Variants in GABRB3 observed in about 807,000 individuals in gnomAD.
The protein encoded by GABRB3 is gamma-aminobutyric acid type A receptor subunit beta3.
A neutral mutation model predicts 52.1 loss-of-function variants in GABRB3; 14 were observed. The observed-to-expected ratio is 0.27, with a 90% CI of 0.18 to 0.42. The LOEUF is 0.42. Among genes scored for constraint, GABRB3 ranks in the 10% least tolerant of loss-of-function variants. The pLI, the probability that GABRB3 is intolerant of heterozygous loss-of-function variation, is 1.00. For synonymous variants in GABRB3, 260 were observed against 232.3 expected, an observed-to-expected ratio of 1.12 and a Z score of -1.08; for missense variants, 307 against 609.1, an observed-to-expected ratio of 0.50 and a Z score of 5.22.
rs368173955 is a variant in GABRB3 at position 26,546,337 on chromosome 15, A to G, written c.*1456T>C. The G allele has an allele frequency of 6.6e-6, 1 of 152,484 alleles. No homozygotes were observed. The highest frequency in any genetic ancestry group is 1.9e-4 in the East Asian group (1 of 5,182). 9.4% of individuals were successfully genotyped at this position (152,484 alleles called of 1,614,324 possible). ...TTTTCTTTAGAAAGATCTCATCTAA[A>G]TAGTAAGTTAAGGTTGCGTCTATGA... On this transcript the variant is annotated 3_prime_UTR_variant, in exon 9 of 9. Transcript: ENST00000311550.
chr15:26,758,088 G>GA (rs139302744), intron 3 of GABRB3, among the ~76,000 whole-genome samples: 9,320 of 141,310 alleles, frequency 0.066, 337 homozygotes, highest in Middle Eastern at 0.13. Context: ...TAGCCATACA[G>GA]AAAAAAAAAA....
chr15:26,672,079 A>G (rs1438107348), intron 3 of GABRB3, among the ~76,000 whole-genome samples: 1 of 151,982 alleles, frequency 6.6e-6, no homozygotes, highest in Non-Finnish European at 1.5e-5. Flanking sequence ...CTTTTCCTAG[A>G]GTTTTCTTTT....
At position 26,727,114 on chromosome 15, in the gene GABRB3, G is replaced by A. The variant is rs556120667; in HGVS notation, c.240+45288C>T. 5.3e-5 allele frequency among the ~76,000 whole-genome samples: 8 copies of A among 152,250 alleles called. No homozygotes were observed. In the East Asian group the frequency reaches 9.7e-4, roughly 18 times the overall value. ...GTGGAGGTTGCAGTGAGTTGAGATC[G>A]TGCCACTGCACTCCAGCCTGGGCAA... On this transcript the variant is annotated intron_variant, in intron 3 of 8. Transcript: ENST00000311550.
intron 3 of GABRB3, among the ~76,000 whole-genome samples, chr15:26,754,398 G>T (rs181144560): frequency 6.6e-6 from 1 of 152,190 alleles, no homozygotes; most frequent in Non-Finnish European, 1.5e-5. Flanking sequence ...TCCCTTCTGA[G>T]CAGATTTCAC....
At chr15:26,602,339 T>C (rs1030221724) in intron 4 of GABRB3, among the ~76,000 whole-genome samples, 4 of 152,148 alleles carry the variant, frequency 2.6e-5, no homozygotes, top group East Asian at 1.9e-4. Context: ...ATGTTCAGCA[T>C]TGGACAAATC....
At chr15:26,729,170 C>A (rs367788492) in intron 3 of GABRB3, among the ~76,000 whole-genome samples, 1 of 151,900 alleles carries the variant, frequency 6.6e-6, no homozygotes, top group East Asian at 1.9e-4. Context: ...GGCAAGGGGC[C>A]GGGGGCCTCT....
chr15:26,591,181 T>C (rs1377574435), intron 4 of GABRB3, among the ~76,000 whole-genome samples: 2 of 152,154 alleles, frequency 1.3e-5, no homozygotes, highest in African/African-American at 2.4e-5. Flanking sequence ...AATGAGCACT[T>C]TGGGGTTATT....
intron 3 of GABRB3, among the ~76,000 whole-genome samples, chr15:26,634,303 A>G (rs929825186): frequency 2.0e-5 from 3 of 151,952 alleles, no homozygotes; most frequent in African/African-American, 4.8e-5. Flanking sequence ...AAATTAACTC[A>G]CTGTCTTCGT....
chr15:26,629,209 T>G, intron 3 of GABRB3: 1 of 1,441,162 alleles, frequency 6.9e-7, no homozygotes, highest in Non-Finnish European at 9.1e-7. Context: ...GCGGCGGCAA[T>G]CAGGGGCGGG....
intron 3 of GABRB3, among the ~76,000 whole-genome samples, chr15:26,769,223 C>T (rs1185428569): frequency 1.3e-5 from 2 of 152,154 alleles, no homozygotes; most frequent in African/African-American, 2.4e-5. Flanking sequence ...TTTCAAAGTC[C>T]TTGTTTTGAA....
chr15:26,718,325 C>T (rs1889553473), intron 3 of GABRB3, among the ~76,000 whole-genome samples: 1 of 152,178 alleles, frequency 6.6e-6, no homozygotes, highest in South Asian at 2.1e-4. Flanking sequence ...TCTCCTGCCT[C>T]AGCCTTCCCA....
chr15:26,579,231 G>A (rs1288788642), intron 6 of GABRB3, among the ~76,000 whole-genome samples: 3 of 152,188 alleles, frequency 2.0e-5, no homozygotes, highest in Non-Finnish European at 2.9e-5. Flanking sequence ...ACTGACGCAG[G>A]TCCCTCCTCA....
chr15:26,606,805 T>TATCGATAG (rs1275882932), intron 4 of GABRB3, among the ~76,000 whole-genome samples: 11 of 118,052 alleles, frequency 9.3e-5, no homozygotes, highest in African/African-American at 2.5e-4. Context: ...TAGATATATC[T>TATCGATAG]ATAGATAGAT....
intron 3 of GABRB3, among the ~76,000 whole-genome samples, chr15:26,704,743 G>C (rs1422988913): frequency 6.6e-6 from 1 of 152,110 alleles, no homozygotes; most frequent in Non-Finnish European, 1.5e-5. Context: ...ATAATTCTTA[G>C]CTGCCTTATA....
At position 26,759,511 on chromosome 15, in the gene GABRB3, G is replaced by A. The variant is rs575288103; in HGVS notation, c.240+12891C>T. On this transcript the variant is annotated intron_variant, in intron 3 of 8. Coordinates refer to ENST00000311550, the MANE Select transcript of GABRB3 (RefSeq NM_000814.6). ...CCTGACCTCGTGATCCACCCGCCTC[G>A]GCCTCCCAAAGTGCTGGGATTACAG... Among the ~76,000 whole-genome samples, 13 of 152,138 alleles carry A rather than the reference G, an allele frequency of 8.5e-5. No homozygotes were observed. The South Asian group carries it at 2.1e-3, about 24-fold the overall frequency.
At chr15:26,671,709 T>C (rs1887902951) in intron 3 of GABRB3, among the ~76,000 whole-genome samples, 1 of 152,244 alleles carries the variant, frequency 6.6e-6, no homozygotes, top group Admixed American at 6.5e-5. Flanking sequence ...ATCAATTTTA[T>C]GGTTGACATG....
At chr15:26,646,765 T>C (rs993843288) in intron 3 of GABRB3, among the ~76,000 whole-genome samples, 3 of 152,322 alleles carry the variant, frequency 2.0e-5, no homozygotes, top group African/African-American at 7.2e-5. Flanking sequence ...TGGTATCTCA[T>C]TGTGGTTCTA....
rs575838739 is a variant in GABRB3 at position 26,551,698 on chromosome 15, A to G, written c.1081-3564T>C. Among the ~76,000 whole-genome samples the G allele has an allele frequency of 4.1e-4, 63 of 152,298 alleles. No individual in the cohort carries two copies. The East Asian group carries it at 4.3e-3, about 10-fold the overall frequency. On this transcript the variant is annotated intron_variant, in intron 8 of 8. Coordinates refer to ENST00000311550, the MANE Select transcript of GABRB3 (RefSeq NM_000814.6). ...TACATCCTACAGTTATAGGATGAAG[A>G]GTGTCACCGCGGGGTCTTCCTTATA...
chr15:26,724,840 C>A (rs535079071), intron 3 of GABRB3, among the ~76,000 whole-genome samples: 7 of 152,158 alleles, frequency 4.6e-5, no homozygotes, highest in South Asian at 4.1e-4. Flanking sequence ...CTTTGCCCCC[C>A]CTCAAAGTAT....
Sources: gnomAD v4.1 joint callset for allele counts (sites outside exome capture counted in the v4.1 genomes callset) on GRCh38, gnomAD v4.1.1 for gene constraint, MANE v1.5 for transcripts, NCBI Gene and HGNC (gene_info 2026-07-23, HGNC 2026-07-21) for gene names.